Variants in LRRC36 observed in about 807,000 individuals in gnomAD.
LRRC36 encodes the protein leucine-rich repeat-containing protein 36.
In LRRC36, 62 loss-of-function variants were observed where a neutral mutation model predicts 81.1. That is an observed-to-expected ratio of 0.76 (90% CI 0.62 to 0.94). The LOEUF (loss-of-function observed/expected upper bound fraction) is 0.94, where lower values mean the gene tolerates loss of function less well. Ranked by LOEUF, LRRC36 falls within the 40% of genes least tolerant of loss-of-function variation. The pLI, the probability that LRRC36 is intolerant of heterozygous loss-of-function variation, is 0.00. For missense variants in LRRC36, 761 were observed against 881.7 expected, an observed-to-expected ratio of 0.86 and a Z score of 1.73; for synonymous variants, 334 against 348.6, an observed-to-expected ratio of 0.96 and a Z score of 0.47.
At chr16:67,379,633 C>A (rs1294630120) in intron 12 of LRRC36, among the ~76,000 whole-genome samples, 1 of 152,154 alleles carries the variant, frequency 6.6e-6, no homozygotes, top group African/African-American at 2.4e-5. Flanking sequence ...AGCAGAATTG[C>A]TTGAACCCAG....
rs1444500610 is a variant in LRRC36, at chr16:67,375,399, C to A, written c.1647C>A (p.Asn549Lys). 6.3e-7 allele frequency: 1 copy of A among 1,582,174 alleles called. No individual in the cohort carries two copies. The highest frequency in any genetic ancestry group is 2.2e-5 in the East Asian group (1 of 44,612). ...HWNGSGSLLLNKKFLGPARDL... is the reference protein window; with the variant it reads ...HWNGSGSLLLKKKFLGPARDL... ...ATGGCTCCGGCTCCCTCCTCCTCAA[C>A]AAGAAGTTTCTCGGTGAGTGAATGC... The change falls in exon 10 of 14, where the codon AAC becomes AAA. Residue 549 changes from asparagine to lysine, a missense_variant. This residue lies in a region of LRRC36 where 359 missense variants were observed against 388.4 expected (regional missense o/e 0.92). Coordinates refer to ENST00000329956, the MANE Select transcript of LRRC36 (RefSeq NM_018296.6).
chr16:67,378,461 A>G (rs890466823), intron 11 of LRRC36, 128 bp from the exon 12 acceptor site: 1 of 713,968 alleles, frequency 1.4e-6, no homozygotes, highest in Non-Finnish European at 2.3e-6. Flanking sequence ...GCTGGTCTCG[A>G]ACTCCTGAGC....
At chr16:67,339,592 G>GT (rs1317828270) in intron 1 of LRRC36, among the ~76,000 whole-genome samples, 3 of 152,080 alleles carry the variant, frequency 2.0e-5, no homozygotes, top group Non-Finnish European at 2.9e-5. Flanking sequence ...CTTACACTTA[G>GT]GTGGGAAAGG....
intron 4 of LRRC36, among the ~76,000 whole-genome samples, chr16:67,349,838 GCAA>G (rs1027140719): frequency 2.6e-5 from 4 of 151,602 alleles, no homozygotes; most frequent in African/African-American, 9.7e-5. Context: ...TCAGCTCACT[GCAA>G]CCTCTGCCTC....
intron 11 of LRRC36, among the ~76,000 whole-genome samples, chr16:67,378,042 G>T (rs187118149): frequency 8.5e-5 from 13 of 152,288 alleles, no homozygotes; most frequent in Admixed American, 8.5e-4. Context: ...ACAAATGTTT[G>T]TTCTGCAAGA....
intron 7 of LRRC36, among the ~76,000 whole-genome samples, chr16:67,365,624 A>C (rs956880554): frequency 7.9e-5 from 12 of 151,706 alleles, no homozygotes; most frequent in South Asian, 2.1e-4. Context: ...TGTATTTATT[A>C]TTTTTTATTC....
intron 2 of LRRC36, among the ~76,000 whole-genome samples, chr16:67,342,486 A>T (rs1465431676): frequency 6.6e-6 from 1 of 152,168 alleles, no homozygotes. Context: ...TACATGGAGC[A>T]TACATGGAGA....
In LRRC36 at chr16:67,382,228, A is replaced by G. The variant is rs779680404; in HGVS notation, c.2026A>G (p.Ile676Val). Residue 676 changes from isoleucine to valine, a missense_variant, in exon 13 of 14, where the codon ATT becomes GTT. By Grantham distance (29) the Ile-to-Val change is conservative (BLOSUM62 3). Coordinates refer to ENST00000329956, the MANE Select transcript of LRRC36 (RefSeq NM_018296.6). ...GAAAAAGCTGGAGAAGACAGTTGCC[A>G]TTCTCCATGAAAGTCAGAGGTAGGA... Reference protein sequence around the residue: ...QLKKLEKTVAILHESQRSLVV... With the variant: ...QLKKLEKTVAVLHESQRSLVV... 2 of 1,613,922 alleles carry G rather than the reference A, an allele frequency of 1.2e-6. No homozygotes were observed. The highest frequency in any genetic ancestry group is 1.1e-5 in the South Asian group (1 of 91,064).
chr16:67,382,989 C>G (rs975409832), intron 13 of LRRC36, among the ~76,000 whole-genome samples: 1 of 145,724 alleles, frequency 6.9e-6, no homozygotes, highest in Non-Finnish European at 1.5e-5. Context: ...AGGAGGATCA[C>G]TTGATCTTGG....
chr16:67,327,050 A>C, intron 1 of LRRC36, 118 bp downstream of exon 1: 11 of 747,364 alleles, frequency 1.5e-5, no homozygotes, highest in East Asian at 1.4e-4. Context: ...GAGAAGCGGT[A>C]CCTGAGGCTG....
intron 1 of LRRC36, among the ~76,000 whole-genome samples, chr16:67,331,069 A>AGAGAGAGAG (rs2037461259): frequency 3.4e-5 from 4 of 118,636 alleles, no homozygotes; most frequent in African/African-American, 1.1e-4. Context: ...GTGAGAGAGA[A>AGAGAGAGAG]AGAGAGAGAG....
At chr16:67,367,788 C>T (rs996504990) in intron 8 of LRRC36, among the ~76,000 whole-genome samples, 2 of 152,162 alleles carry the variant, frequency 1.3e-5, no homozygotes, top group Non-Finnish European at 2.9e-5. Flanking sequence ...CACGGTGGCT[C>T]ATGCCTGTAA....
chr16:67,340,397 C>T (rs1463048738), intron 1 of LRRC36, among the ~76,000 whole-genome samples: 1 of 151,822 alleles, frequency 6.6e-6, no homozygotes, highest in African/African-American at 2.4e-5. Flanking sequence ...GTGGCTCATG[C>T]CTGTAATCCC....
chr16:67,367,775 G>A (rs957825092), intron 8 of LRRC36, among the ~76,000 whole-genome samples: 15 of 152,150 alleles, frequency 9.9e-5, no homozygotes, highest in African/African-American at 3.4e-4. Flanking sequence ...GTTTCAGGCT[G>A]GGCACGGTGG....
chr16:67,363,044 A>C (rs1408147219), intron 5 of LRRC36, among the ~76,000 whole-genome samples: 1 of 152,092 alleles, frequency 6.6e-6, no homozygotes, highest in African/African-American at 2.4e-5. Context: ...CAGCCTCCCA[A>C]AGTGCTGGGA....
At chr16:67,375,555 G>A in intron 10 of LRRC36, 143 bp downstream of exon 10, 1 of 587,446 alleles carries the variant, frequency 1.7e-6, no homozygotes, top group Non-Finnish European at 2.8e-6. Context: ...AAACATCATA[G>A]TTAACAAATC....
chr16:67,358,180 T>TTC (rs1398645101), intron 5 of LRRC36, among the ~76,000 whole-genome samples: 3 of 151,736 alleles, frequency 2.0e-5, no homozygotes, highest in Middle Eastern at 3.4e-3. Flanking sequence ...TTTTTTTTTT[T>TTC]CAAGAGTGAT....
intron 3 of LRRC36, 86 bp from the exon 4 acceptor site, chr16:67,347,409 C>G: frequency 6.3e-7 from 1 of 1,579,634 alleles, no homozygotes; most frequent in Non-Finnish European, 8.6e-7. Flanking sequence ...CTAATTTTTC[C>G]TCTGCGAATA....
chr16:67,354,287 T>C (rs1377088098), intron 5 of LRRC36, among the ~76,000 whole-genome samples: 1 of 152,070 alleles, frequency 6.6e-6, no homozygotes, highest in East Asian at 1.9e-4. Context: ...ACTTTTTTTG[T>C]TTGTTTTTGA....
Sources: gnomAD v4.1 joint callset for allele counts (sites outside exome capture counted in the v4.1 genomes callset) on GRCh38, gnomAD v4.1.1 for gene constraint, gnomAD v4.1.1 regional missense constraint, MANE v1.5 for transcripts, NCBI Gene and HGNC (gene_info 2026-07-23, HGNC 2026-07-21) for gene names.